The following BTC variants were observed in gnomAD, a reference collection of about 807,000 sequenced individuals.
BTC encodes probetacellulin.
Under a neutral mutation model 18.1 loss-of-function variants are expected in BTC, and 13 were observed. The ratio of observed to expected loss-of-function variants is 0.72; its 90% CI spans 0.47 to 1.14. BTC has a LOEUF of 1.14. Ranked by LOEUF, BTC falls within the 50% of genes most tolerant of loss-of-function variation. BTC has a pLI of 0.00. For synonymous variants in BTC, 83 were observed against 79.4 expected (o/e 1.05, Z -0.24); for missense variants, 247 against 224.2 (o/e 1.10, Z -0.65).
At chr4:74,785,535 T>C (rs1725455940) in intron 1 of BTC, among the ~76,000 whole-genome samples, 1 of 152,302 alleles carries the variant, frequency 6.6e-6, no homozygotes, top group African/African-American at 2.4e-5. Flanking sequence ...TTGAGATCTT[T>C]CTAGATTTTT....
chr4:74,767,542 G>A (rs1724932250), intron 2 of BTC, among the ~76,000 whole-genome samples: 1 of 151,674 alleles, frequency 6.6e-6, no homozygotes, highest in African/African-American at 2.4e-5. Context: ...AAATTCCAAT[G>A]ACTTTTTTTT....
At chr4:74,787,180 C>T (rs115697751) in intron 1 of BTC, among the ~76,000 whole-genome samples, 6 of 152,258 alleles carry the variant, frequency 3.9e-5, no homozygotes, top group African/African-American at 1.2e-4. Flanking sequence ...ATTAGTAGTT[C>T]ATCCTGTTAT....
rs1474892444 is a variant in BTC, at chr4:74,744,823, T to C, written c.*1854A>G. 1 of 152,158 alleles carries C rather than the reference T, an allele frequency of 6.6e-6. No homozygotes were observed. Among genetic ancestry groups the C allele is most frequent in the Non-Finnish European group, 1.5e-5 (1 of 68,030 alleles). The allele number at this position is 152,158 out of a possible 1,614,324, so 9.4% of individuals were successfully genotyped here. ...TTGACAGTTTACATAAACAAAGTTA[T>C]TTAGTGTATGCAAAGCAACTATAAA... On this transcript the variant is annotated 3_prime_UTR_variant, in exon 6 of 6. Transcript: ENST00000395743.
chr4:74,759,729 A>C (rs1033020290), intron 2 of BTC, among the ~76,000 whole-genome samples: 5 of 152,066 alleles, frequency 3.3e-5, no homozygotes, highest in Non-Finnish European at 1.5e-5. Flanking sequence ...AAGGGTTTGC[A>C]AAAGGAATCG....
chr4:74,760,976 C>T (rs1347713932), intron 2 of BTC, among the ~76,000 whole-genome samples: 3 of 152,154 alleles, frequency 2.0e-5, no homozygotes, highest in South Asian at 2.1e-4. Flanking sequence ...CTTCGTGATC[C>T]GCCTGCCTCA....
chr4:74,768,973 T>C (rs916209950), intron 2 of BTC, among the ~76,000 whole-genome samples: 4 of 152,088 alleles, frequency 2.6e-5, no homozygotes, highest in East Asian at 3.9e-4. Context: ...TAAGACACCA[T>C]TAGATTTTAC....
chr4:74,758,969 A>G (rs372497669), intron 2 of BTC, among the ~76,000 whole-genome samples: 11 of 152,236 alleles, frequency 7.2e-5, no homozygotes, highest in South Asian at 6.2e-4. Flanking sequence ...ACACACACAT[A>G]CACACATACA....
At chr4:74,793,001 C>G (rs113623065) in intron 1 of BTC, among the ~76,000 whole-genome samples, 2,010 of 152,298 alleles carry the variant, frequency 0.013, 38 homozygotes, top group African/African-American at 0.046. Flanking sequence ...TTGCTGACTA[C>G]GACAGATTCT....
chr4:74,787,335 A>C (rs1336413729), intron 1 of BTC, among the ~76,000 whole-genome samples: 1 of 152,198 alleles, frequency 6.6e-6, no homozygotes, highest in Non-Finnish European at 1.5e-5. Flanking sequence ...GTAGAGAATA[A>C]ATGAAAGCAT....
chr4:74,763,940 C>T (rs1724831605), intron 2 of BTC, among the ~76,000 whole-genome samples: 1 of 152,026 alleles, frequency 6.6e-6, no homozygotes, highest in Non-Finnish European at 1.5e-5. Flanking sequence ...ACATTGTATA[C>T]ATGTGTCAAA....
chr4:74,781,232 C>A (rs1486522072), intron 1 of BTC, among the ~76,000 whole-genome samples: 1 of 139,410 alleles, frequency 7.2e-6, no homozygotes, highest in African/African-American at 3.0e-5. Flanking sequence ...TGCTGCCTTC[C>A]TGGAATTTTA....
rs782165620 is a variant in BTC at position 74,755,935 on chromosome 4, A to G, written c.205T>C (p.Cys69Arg). The G allele has an allele frequency of 6.2e-7, 1 of 1,614,140 alleles. No homozygotes were observed. Among genetic ancestry groups the G allele is most frequent in the Non-Finnish European group, 8.5e-7 (1 of 1,180,024 alleles). The change falls in exon 3 of 6, where the codon TGC (cysteine) becomes CGC (arginine). Residue 69 changes from cysteine (C) to arginine (R), a missense_variant. Coordinates refer to ENST00000395743, the MANE Select transcript of BTC (RefSeq NM_001729.4). ...CAGTAATGCTTGTATTGCTTGGGGC[A>G]CCTAGAGAAGTGGCCTTTCCGCTTT... ...QSKRKGHFSR[C>R]PKQYKHYCIK...
At chr4:74,753,460 T>A (rs550344583) in intron 3 of BTC, among the ~76,000 whole-genome samples, 2 of 152,332 alleles carry the variant, frequency 1.3e-5, no homozygotes, top group African/African-American at 4.8e-5. Context: ...CTATGCTGCA[T>A]GTATAAATAA....
chr4:74,768,493 A>G (rs1216488333), intron 2 of BTC, among the ~76,000 whole-genome samples: 1 of 152,174 alleles, frequency 6.6e-6, no homozygotes, highest in African/African-American at 2.4e-5. Flanking sequence ...TAAGTGAAAT[A>G]AGACAGTCAC....
chr4:74,771,123 C>T (rs1198433771), intron 1 of BTC, among the ~76,000 whole-genome samples: 2 of 151,350 alleles, frequency 1.3e-5, no homozygotes, highest in Non-Finnish European at 2.9e-5. Context: ...CTCTCTGGTT[C>T]GTATATGTTT....
intron 2 of BTC, among the ~76,000 whole-genome samples, chr4:74,767,408 A>G (rs1187379615): frequency 6.6e-6 from 1 of 152,046 alleles, no homozygotes; most frequent in Non-Finnish European, 1.5e-5. Context: ...AAACTATAAA[A>G]TATTAATTAA....
chr4:74,788,385 C>G (rs1725538209), intron 1 of BTC, among the ~76,000 whole-genome samples: 2 of 152,188 alleles, frequency 1.3e-5, no homozygotes, highest in Non-Finnish European at 1.5e-5. Flanking sequence ...TTCCCCTAAT[C>G]ACTCCAGCCT....
At chr4:74,749,499 T>TAAATAAATAAAC (rs1553955868) in intron 4 of BTC, among the ~76,000 whole-genome samples, 1 of 149,620 alleles carries the variant, frequency 6.7e-6, no homozygotes, top group Non-Finnish European at 1.5e-5. Context: ...AATAAATAAA[T>TAAATAAATAAAC]AAATAAATAA....
At chr4:74,762,626 G>A (rs1448838822) in intron 2 of BTC, among the ~76,000 whole-genome samples, 2 of 151,772 alleles carry the variant, frequency 1.3e-5, no homozygotes, top group South Asian at 2.1e-4. Flanking sequence ...GAAGAGGGAA[G>A]GAGAATGAGA....
Sources: gnomAD v4.1 joint callset for allele counts (sites outside exome capture counted in the v4.1 genomes callset) on GRCh38, gnomAD v4.1.1 for gene constraint, MANE v1.5 for transcripts, NCBI Gene and HGNC (gene_info 2026-07-23, HGNC 2026-07-21) for gene names.